ODAD2: variants seen among roughly 807,000 people sequenced by gnomAD.
The protein encoded by ODAD2 is outer dynein arm-docking complex subunit 2.
ODAD2 carries 89 observed loss-of-function variants against 106.8 expected under a neutral mutation model. The observed-to-expected ratio is 0.83, with a 90% CI of 0.70 to 0.99. The LOEUF is 0.99. Among genes scored for constraint, ODAD2 ranks in the 50% least tolerant of loss-of-function variants. The pLI, the probability that ODAD2 is intolerant of heterozygous loss-of-function variation, is 0.00. For synonymous variants in ODAD2, 404 were observed against 436.2 expected (o/e 0.93, Z 0.92); for missense variants, 1,168 against 1,238.5 (o/e 0.94, Z 0.85).
chr10:27,983,305 C>T (rs1442010266), intron 6 of ODAD2, among the ~76,000 whole-genome samples: 1 of 152,228 alleles, frequency 6.6e-6, no homozygotes, highest in Non-Finnish European at 1.5e-5. Context: ...CTGGGCAGTG[C>T]CCACTCTTCA....
At chr10:27,871,474 C>T (rs1840880578) in intron 17 of ODAD2, among the ~76,000 whole-genome samples, 2 of 152,046 alleles carry the variant, frequency 1.3e-5, no homozygotes, top group African/African-American at 4.8e-5. Context: ...TCCTCTAGGG[C>T]TTGTATGGTT....
At chr10:27,976,258 G>A (rs1446207483) in intron 7 of ODAD2, among the ~76,000 whole-genome samples, 4 of 151,792 alleles carry the variant, frequency 2.6e-5, no homozygotes, top group Non-Finnish European at 5.9e-5. Context: ...GAAATAAAAA[G>A]AAATAAAAAA....
chr10:27,933,632 G>C (rs1184612730), intron 16 of ODAD2, among the ~76,000 whole-genome samples: 2 of 152,166 alleles, frequency 1.3e-5, no homozygotes, highest in Non-Finnish European at 2.9e-5. Context: ...TGGTGGCCAA[G>C]TAGATTTGGG....
intron 17 of ODAD2, among the ~76,000 whole-genome samples, chr10:27,906,020 A>T (rs1843562040): frequency 6.6e-6 from 1 of 152,210 alleles, no homozygotes; most frequent in African/African-American, 2.4e-5. Flanking sequence ...GACAAATGGG[A>T]TTGAATTAAA....
intron 10 of ODAD2, among the ~76,000 whole-genome samples, chr10:27,960,174 A>G (rs998735980): frequency 1.3e-5 from 2 of 151,934 alleles, no homozygotes; most frequent in African/African-American, 4.8e-5. Context: ...CAGACTAAAA[A>G]CATATTTTTC....
chr10:27,944,305 A>C lies in ODAD2; in HGVS notation c.1660T>G (p.Leu554Val). ...ACATTCGCGATAGTCTCGGCTGCCAAACATTTTAGACTCTTGTGTGGAGAA... is the reference window on the plus strand; with the variant it reads ...ACATTCGCGATAGTCTCGGCTGCCACACATTTTAGACTCTTGTGTGGAGAA... ...LDSPHKSLKC[L>V]AAETIANVAK... is the part of the protein sequence containing the mutation. The change falls in exon 12 of 20, where the codon TTG becomes GTG. Residue 554 changes from leucine to valine, a missense_variant. Physicochemically the swap from Leu to Val is conservative, Grantham distance 32. Coordinates refer to ENST00000305242, the MANE Select transcript of ODAD2 (RefSeq NM_018076.5). The C allele has an allele frequency of 6.2e-7, 1 of 1,614,094 alleles. No homozygotes were observed. The highest frequency in any genetic ancestry group is 8.5e-7 in the Non-Finnish European group (1 of 1,180,002).
At chr10:27,862,854 CA>C (rs1414217874) in intron 17 of ODAD2, among the ~76,000 whole-genome samples, 2 of 151,694 alleles carry the variant, frequency 1.3e-5, no homozygotes, top group Non-Finnish European at 2.9e-5. Flanking sequence ...AATTCAGTTT[CA>C]AAAAATATTT....
rs1020381932 is a variant in ODAD2, at chr10:27,934,837, T to C, written c.2495+173A>G. On this transcript the variant is annotated intron_variant, in intron 16 of 19. Coordinates refer to ENST00000305242, the MANE Select transcript of ODAD2 (RefSeq NM_018076.5). ...ACTTAGCCCTCCATCTCATATGAGGTAATGTTTTGGCTCTGTAACTCATGA... is the reference window on the plus strand; with the variant it reads ...ACTTAGCCCTCCATCTCATATGAGGCAATGTTTTGGCTCTGTAACTCATGA... Among the ~76,000 whole-genome samples the C allele has an allele frequency of 4.6e-5, 7 of 152,318 alleles. No individual in the cohort carries two copies. In the East Asian group the frequency reaches 5.8e-4, roughly 13 times the overall value.
intron 9 of ODAD2, among the ~76,000 whole-genome samples, chr10:27,963,973 G>A (rs1848327620): frequency 2.6e-5 from 4 of 152,150 alleles, no homozygotes; most frequent in Admixed American, 2.6e-4. Context: ...TGTAATCCCA[G>A]CACTTTGGGA....
intron 9 of ODAD2, among the ~76,000 whole-genome samples, chr10:27,967,136 A>G (rs1848532735): frequency 6.6e-6 from 1 of 151,890 alleles, no homozygotes; most frequent in Admixed American, 6.6e-5. Flanking sequence ...TGTTTAGACA[A>G]CAAATGATCT....
intron 17 of ODAD2, among the ~76,000 whole-genome samples, chr10:27,898,666 A>G (rs1370370035): frequency 1.3e-5 from 2 of 152,156 alleles, no homozygotes; most frequent in East Asian, 3.8e-4. Context: ...TTTAAAAAAT[A>G]TATTTGAACT....
intron 7 of ODAD2, among the ~76,000 whole-genome samples, chr10:27,980,472 TACA>T (rs1849475502): frequency 2.6e-5 from 4 of 152,024 alleles, no homozygotes; most frequent in African/African-American, 9.6e-5. Context: ...ATACAAAAAC[TACA>T]ACAACAAAAA....
intron 2 of ODAD2, among the ~76,000 whole-genome samples, chr10:27,992,993 G>A (rs774475189): frequency 4.3e-4 from 66 of 152,212 alleles, no homozygotes; most frequent in South Asian, 4.1e-4. Flanking sequence ...TCGGCTCACT[G>A]CAACCTCCAC....
chr10:27,899,089 T>C (rs1843025059), intron 17 of ODAD2, among the ~76,000 whole-genome samples: 1 of 152,048 alleles, frequency 6.6e-6, no homozygotes. Flanking sequence ...GGGTGATTTC[T>C]GCATTTCCAA....
intron 17 of ODAD2, among the ~76,000 whole-genome samples, chr10:27,896,783 T>C (rs898357651): frequency 6.6e-6 from 1 of 152,182 alleles, no homozygotes; most frequent in Non-Finnish European, 1.5e-5. Context: ...GATATATAGA[T>C]ACATGCACAA....
chr10:27,923,985 AG>A, intron 16 of ODAD2, among the ~76,000 whole-genome samples: 1 of 138,510 alleles, frequency 7.2e-6, no homozygotes, highest in African/African-American at 2.8e-5. Flanking sequence ...AAAGAAAGAA[AG>A]AAAGAAAGAA....
intron 16 of ODAD2, among the ~76,000 whole-genome samples, chr10:27,923,948 A>AAGAG (rs1412573346): frequency 6.0e-4 from 24 of 39,908 alleles, no homozygotes; most frequent in South Asian, 2.9e-3. Context: ...TGTCTAATGA[A>AAGAG]AGAAAGAAAG....
At chr10:27,936,263 C>A (rs1020736912) in intron 15 of ODAD2, among the ~76,000 whole-genome samples, 2 of 152,012 alleles carry the variant, frequency 1.3e-5, no homozygotes, top group Non-Finnish European at 2.9e-5. Flanking sequence ...ACTTTAAAAT[C>A]GAATCTGATG....
At chr10:27,886,378 A>G (rs11006756) in intron 17 of ODAD2, among the ~76,000 whole-genome samples, 104,753 of 151,788 alleles carry the variant, frequency 0.69, 36,304 homozygotes, top group Middle Eastern at 0.75. Flanking sequence ...CATATTTAAA[A>G]TGATAATAAA....
Sources: gnomAD v4.1 joint callset for allele counts (sites outside exome capture counted in the v4.1 genomes callset) on GRCh38, gnomAD v4.1.1 for gene constraint, MANE v1.5 for transcripts, NCBI Gene and HGNC (gene_info 2026-07-23, HGNC 2026-07-21) for gene names.